FAT4: variants seen among roughly 807,000 people sequenced by gnomAD.
FAT4 encodes the protein protocadherin Fat 4.
A neutral mutation model predicts 303.9 loss-of-function variants in FAT4; 84 were observed. The ratio of observed to expected loss-of-function variants is 0.28; its 90% CI spans 0.23 to 0.33. The LOEUF is 0.33. FAT4 is among the 10% of genes least tolerant of loss of function. The pLI is 1.00. For missense variants in FAT4, 6,005 were observed against 6,146.8 expected, an observed-to-expected ratio of 0.98 and a Z score of 0.77; for synonymous variants, 2,307 against 2,298.8, an observed-to-expected ratio of 1.00 and a Z score of -0.10.
chr4:125,359,113 A>AATTAGCC (rs1732548567), intron 2 of FAT4, among the ~76,000 whole-genome samples: 1 of 152,146 alleles, frequency 6.6e-6, no homozygotes, highest in East Asian at 1.9e-4. Context: ...ATCTATATAG[A>AATTAGCC]ATTAGCCAGG....
At position 125,408,421 on chromosome 4, in the gene FAT4, C is replaced by G. The variant is rs368508318; in HGVS notation, c.5570-23C>G. On this transcript the variant is annotated intron_variant, in intron 4 of 17. Coordinates refer to ENST00000394329, the MANE Select transcript of FAT4 (RefSeq NM_001291303.3). Reference sequence around the variant, plus strand: ...TACTTCTTACTTCCTTGATTTTATACTATTAATTTATTCTTTTGATAGGTT... The same window carrying G: ...TACTTCTTACTTCCTTGATTTTATAGTATTAATTTATTCTTTTGATAGGTT... The G allele has an allele frequency of 7.8e-5, 113 of 1,445,764 alleles. 4 individuals carry two copies. The South Asian group carries it at 1.4e-3, about 18-fold the overall frequency. The allele number at this position is 1,445,764 out of a possible 1,614,324, so 89.6% of individuals were successfully genotyped here. A position where few individuals can be genotyped will look rare whatever the true frequency, so the allele number is the denominator to read the frequency against.
intron 2 of FAT4, among the ~76,000 whole-genome samples, chr4:125,360,650 A>C (rs1432093091): frequency 6.6e-6 from 1 of 152,162 alleles, no homozygotes; most frequent in Non-Finnish European, 1.5e-5. Flanking sequence ...CATAATTACA[A>C]TAAACCTATG....
chr4:125,463,836 C>T (rs1317409395), intron 11 of FAT4, among the ~76,000 whole-genome samples, 169 bp downstream of exon 11: 1 of 151,930 alleles, frequency 6.6e-6, no homozygotes, highest in African/African-American at 2.4e-5. Context: ...ATGGAAATCC[C>T]ATTGAATACA....
chr4:125,371,964 G>A (rs1379117765), intron 2 of FAT4, among the ~76,000 whole-genome samples: 1 of 152,030 alleles, frequency 6.6e-6, no homozygotes, highest in East Asian at 1.9e-4. Flanking sequence ...CAGTGCCTAG[G>A]ACAGAACCTG....
intron 7 of FAT4, among the ~76,000 whole-genome samples, chr4:125,430,922 T>C (rs1225853109): frequency 1.3e-5 from 2 of 152,128 alleles, no homozygotes; most frequent in East Asian, 3.9e-4. Context: ...TCTGGAAAAA[T>C]AAGTTGATAT....
intron 2 of FAT4, among the ~76,000 whole-genome samples, chr4:125,337,004 A>G (rs1317071955): frequency 1.3e-5 from 2 of 151,990 alleles, no homozygotes; most frequent in Non-Finnish European, 2.9e-5. Context: ...ATCAAGGATC[A>G]TGAAATTGTC....
rs369260744 is a variant in FAT4, at chr4:125,415,180, C to G, written c.6217C>G (p.Gln2073Glu). ...TPIDTVVFKA[Q>E]ATDPDSGPNS... ...TATTGATACTGTTGTTTTCAAAGCT[C>G]AAGCAACTGACCCAGATAGTGGCCC... The change falls in exon 6 of 18, where the codon CAA becomes GAA. Residue 2073 changes from glutamine (Q) to glutamate (E), a missense_variant. By Grantham distance (29) the Gln-to-Glu change is conservative. Coordinates refer to ENST00000394329, the MANE Select transcript of FAT4 (RefSeq NM_001291303.3). 7 of 1,613,972 alleles carry G rather than the reference C, an allele frequency of 4.3e-6. No individual in the cohort carries two copies. The highest frequency in any genetic ancestry group is 5.9e-6 in the Non-Finnish European group (7 of 1,179,974).
Position 125,452,592 on chromosome 4 carries a change from G to A in FAT4, c.11582G>A (p.Cys3861Tyr). ...KCLPGYAGSW[C>Y]EIDIDECLPS... ...CTGCCAGGATATGCGGGTAGCTGGT[G>A]TGAAATAGATATAGATGAATGTCTT... The change falls in exon 10 of 18, where the codon TGT becomes TAT. Residue 3861 changes from cysteine (C) to tyrosine (Y), a missense_variant. Coordinates refer to ENST00000394329, the MANE Select transcript of FAT4 (RefSeq NM_001291303.3). 1 of 1,614,174 alleles carries A rather than the reference G, an allele frequency of 6.2e-7. No homozygotes were observed. Among genetic ancestry groups the A allele is most frequent in the Non-Finnish European group, 8.5e-7 (1 of 1,180,030 alleles).
chr4:125,486,479 T>C (rs1727417413), intron 16 of FAT4, among the ~76,000 whole-genome samples: 1 of 152,182 alleles, frequency 6.6e-6, no homozygotes, highest in Admixed American at 6.5e-5. Flanking sequence ...TTCATTCCCG[T>C]TATTTGAGGA....
At chr4:125,481,874 T>A (rs1727243664) in intron 16 of FAT4, 136 bp downstream of exon 16, 1 of 715,078 alleles carries the variant, frequency 1.4e-6, no homozygotes, top group East Asian at 2.7e-5. Flanking sequence ...ACTATTCCAA[T>A]GTCATCTATC....
At chr4:125,342,306 G>T (rs931628840) in intron 2 of FAT4, among the ~76,000 whole-genome samples, 1 of 151,938 alleles carries the variant, frequency 6.6e-6, no homozygotes, top group Non-Finnish European at 1.5e-5. Flanking sequence ...ATAAGAAGTA[G>T]TTTAAATAAA....
At position 125,492,744 on chromosome 4, in the gene FAT4, C is replaced by T. The variant is rs1196500789; in HGVS notation, c.*976C>T. The T allele has an allele frequency of 6.6e-6, 1 of 152,262 alleles. No homozygotes were observed. Among genetic ancestry groups the T allele is most frequent in the African/African-American group, 2.4e-5 (1 of 41,340 alleles). 9.4% of individuals were successfully genotyped at this position (152,262 alleles called of 1,614,324 possible). On this transcript the variant is annotated 3_prime_UTR_variant, in exon 18 of 18. Coordinates refer to ENST00000394329, the MANE Select transcript of FAT4 (RefSeq NM_001291303.3). ...TGTAAAAACTTTTTTTACACCTAAG[C>T]TGTGTTTTTGATACTGATATTTTCC...
chr4:125,363,731 T>C (rs553952994), intron 2 of FAT4, among the ~76,000 whole-genome samples: 63 of 152,210 alleles, frequency 4.1e-4, no homozygotes, highest in African/African-American at 1.5e-3. Context: ...CCTGACCTCA[T>C]GATCCGTCCA....
chr4:125,317,295 C>T lies in FAT4; in HGVS notation c.884C>T (p.Pro295Leu), dbSNP rs1730654298. Residue 295 changes from proline (P) to leucine (L), a missense_variant, in exon 2 of 18, where the codon CCC becomes CTC. Physicochemically the swap from Pro to Leu is moderately conservative, Grantham distance 98 (BLOSUM62 -3). Coordinates refer to ENST00000394329, the MANE Select transcript of FAT4 (RefSeq NM_001291303.3). The surrounding 1 kb of genome is among the most constrained non-coding windows in gnomAD (Gnocchi z 7.0). ...TATCGCCTGCAGGACGAGGGGACCC[C>T]CTTCCAAATGGACCCTGAGACGGGA... ...IRYRLQDEGT[P>L]FQMDPETGLI... The T allele has an allele frequency of 6.3e-7, 1 of 1,596,636 alleles. No individual in the cohort carries two copies. Among genetic ancestry groups the T allele is most frequent in the Non-Finnish European group, 8.6e-7 (1 of 1,169,232 alleles).
Position 125,450,067 on chromosome 4 carries a change from A to T in FAT4, c.9057A>T (p.Ser3019=). The change falls in exon 10 of 18, where the codon TCA becomes TCT. Residue 3019 remains serine (S), a synonymous_variant. Transcript: ENST00000394329. ...AIDDKDFGLN[S]EVEYFISNDN... ...ATGACAAAGATTTTGGACTGAATTC[A>T]GAAGTGGAGTATTTCATTTCTAATG... 2 of 1,613,934 alleles carry T rather than the reference A, an allele frequency of 1.2e-6. No individual in the cohort carries two copies. Among genetic ancestry groups the T allele is most frequent in the Non-Finnish European group, 1.7e-6 (2 of 1,179,940 alleles).
intron 15 of FAT4, 91 bp from the exon 16 acceptor site, chr4:125,481,430 T>A: frequency 1.8e-6 from 2 of 1,082,848 alleles, no homozygotes; most frequent in Admixed American, 2.3e-5. Context: ...GACATTTTCA[T>A]TGTCCTTTTT....
At chr4:125,467,984 G>T (rs1237813752) in intron 11 of FAT4, among the ~76,000 whole-genome samples, 1 of 152,022 alleles carries the variant, frequency 6.6e-6, no homozygotes, top group Non-Finnish European at 1.5e-5. Flanking sequence ...GACCAACAAG[G>T]TGAAATCTCG....
At chr4:125,376,619 G>T (rs1233823332) in intron 2 of FAT4, among the ~76,000 whole-genome samples, 1 of 152,114 alleles carries the variant, frequency 6.6e-6, no homozygotes, top group African/African-American at 2.4e-5. Flanking sequence ...AAATAAATAG[G>T]CCTGGCGCGG....
intron 2 of FAT4, among the ~76,000 whole-genome samples, chr4:125,397,045 C>T (rs1438139947): frequency 6.6e-6 from 1 of 151,024 alleles, no homozygotes; most frequent in Admixed American, 6.6e-5. Flanking sequence ...CCAGTTGAAC[C>T]TGTATGTGGG....
Sources: allele counts gnomAD v4.1 joint callset (sites outside exome capture counted in the v4.1 genomes callset), GRCh38; gene constraint gnomAD v4.1.1; non-coding constraint Gnocchi (gnomAD v3.1); transcripts MANE v1.5; gene names NCBI Gene and HGNC (gene_info 2026-07-23, HGNC 2026-07-21).